LTBP2: variants seen among roughly 807,000 people sequenced by gnomAD.
LTBP2 encodes latent transforming growth factor beta binding protein 2, also known as latent-transforming growth factor beta-binding protein 2.
Under a neutral mutation model 210.6 loss-of-function variants are expected in LTBP2, and 103 were observed. That is an observed-to-expected ratio of 0.49 (90% CI 0.42 to 0.58). The LOEUF (loss-of-function observed/expected upper bound fraction) is 0.58. LTBP2 is among the 20% of genes least tolerant of loss of function. The pLI is 0.00. For synonymous variants in LTBP2, 1,007 were observed against 1,015.0 expected, an observed-to-expected ratio of 0.99 and a Z score of 0.15; for missense variants, 2,313 against 2,494.5, an observed-to-expected ratio of 0.93 and a Z score of 1.55.
Position 74,528,634 on chromosome 14 carries a change from C to A in LTBP2, c.2217G>T (p.Leu739=). The A allele has an allele frequency of 6.2e-7, 1 of 1,613,558 alleles. No homozygotes were observed. The highest frequency in any genetic ancestry group is 8.5e-7 in the Non-Finnish European group (1 of 1,180,050). The change falls in exon 12 of 36, where the codon CTG becomes CTT. Residue 739 remains leucine (L), a synonymous_variant. Coordinates refer to ENST00000261978, the MANE Select transcript of LTBP2 (RefSeq NM_000428.3). ...CCTCCTCCTCGGCTTTCCTCATGGACAGGCGGATGTCGGAGCTCGCGTAGG... is the reference window on the plus strand; with the variant it reads ...CCTCCTCCTCGGCTTTCCTCATGGAAAGGCGGATGTCGGAGCTCGCGTAGG... ...GYTYASSDIR[L]SMRKAEEEEL...
rs1410659796 is a variant in LTBP2, at chr14:74,611,693, G to C, written c.252C>G (p.Pro84=). 1.1e-5 allele frequency: 18 copies of C among 1,581,796 alleles called. No individual in the cohort carries two copies. The highest frequency in any genetic ancestry group is 1.4e-5 in the Non-Finnish European group (16 of 1,170,442). Residue 84 remains proline, a synonymous_variant, in exon 1 of 36, where the codon CCC becomes CCG. Coordinates refer to ENST00000261978, the MANE Select transcript of LTBP2 (RefSeq NM_000428.3). The part of the protein sequence containing the change: ...EQDAPVAGLQ[P]VERAQPGWGS... Reference sequence around the variant, plus strand: ...CCCAGCCCGGCTGGGCCCGCTCCACGGGCTGCAAGCCCGCGACAGGCGCGT... The same window carrying C: ...CCCAGCCCGGCTGGGCCCGCTCCACCGGCTGCAAGCCCGCGACAGGCGCGT...
intron 17 of LTBP2, among the ~76,000 whole-genome samples, chr14:74,520,798 CATAA>C (rs2087192243): frequency 9.7e-6 from 1 of 103,394 alleles, no homozygotes; most frequent in Admixed American, 9.9e-5. Context: ...GAGACTCCAT[CATAA>C]ATGAATGAAT....
At chr14:74,576,639 C>A (rs2088061912) in intron 3 of LTBP2, among the ~76,000 whole-genome samples, 2 of 151,636 alleles carry the variant, frequency 1.3e-5, no homozygotes, top group African/African-American at 4.9e-5. Context: ...CACTGTACAA[C>A]TCTTGGGGTA....
At chr14:74,514,566 T>A (rs1399451482) in intron 18 of LTBP2, among the ~76,000 whole-genome samples, 1 of 151,662 alleles carries the variant, frequency 6.6e-6, no homozygotes, top group East Asian at 1.9e-4. Flanking sequence ...GCGGTGGGGG[T>A]AGGGAAGGCA....
chr14:74,533,963 T>C (rs895524112), intron 9 of LTBP2, among the ~76,000 whole-genome samples: 1 of 151,802 alleles, frequency 6.6e-6, no homozygotes, highest in Non-Finnish European at 1.5e-5. Context: ...GCCCTGTGTC[T>C]GCAGAGCCAG....
intron 8 of LTBP2, among the ~76,000 whole-genome samples, chr14:74,540,942 A>T (rs1248504766): frequency 1.5e-3 from 40 of 27,164 alleles, no homozygotes; most frequent in Admixed American, 4.0e-3. Flanking sequence ...ATATATATAT[A>T]TATTTTTTAT....
In LTBP2 at chr14:74,499,978, G is replaced by A; in HGVS notation, c.*906C>T. 1 of 231,268 alleles carries A rather than the reference G, an allele frequency of 4.3e-6. No individual in the cohort carries two copies. Among genetic ancestry groups the A allele is most frequent in the Middle Eastern group, 1.3e-3 (1 of 772 alleles). The allele number at this position is 231,268 out of a possible 1,614,324, so 14.3% of individuals were successfully genotyped here. A position where few individuals can be genotyped will look rare whatever the true frequency, so the allele number is the denominator to read the frequency against. ...TTTTTACTTTTAGCACATCAAACTG[G>A]TTTTCACAAAAGGAGATCCCAGAAG... On this transcript the variant is annotated 3_prime_UTR_variant, in exon 36 of 36. Transcript: ENST00000261978.
intron 2 of LTBP2, among the ~76,000 whole-genome samples, chr14:74,593,345 C>T (rs968082457): frequency 1.4e-4 from 21 of 152,204 alleles, no homozygotes; most frequent in African/African-American, 5.1e-4. Context: ...AACACGGGGT[C>T]GGGGGCAGGA....
At chr14:74,510,051 G>A in intron 20 of LTBP2, 40 bp downstream of exon 20, 1 of 1,613,770 alleles carries the variant, frequency 6.2e-7, no homozygotes, top group Non-Finnish European at 8.5e-7. Context: ...CCACAAGCTG[G>A]ATCGGCCTGC....
At position 74,500,497 on chromosome 14, in the gene LTBP2, C is replaced by T. The variant is rs1191261590; in HGVS notation, c.*387G>A. ...GTAGCCTCTGTCCCAGTTGTGGGAT[C>T]GTCAGGATGATGGTGGATTGTGGCT... On this transcript the variant is annotated 3_prime_UTR_variant, in exon 36 of 36. Coordinates refer to ENST00000261978, the MANE Select transcript of LTBP2 (RefSeq NM_000428.3). 7 of 428,384 alleles carry T rather than the reference C, an allele frequency of 1.6e-5. No homozygotes were observed. The highest frequency in any genetic ancestry group is 4.6e-5 in the South Asian group (2 of 43,318). The allele number at this position is 428,384 out of a possible 1,614,324, so 26.5% of individuals were successfully genotyped here. A position where few individuals can be genotyped will look rare whatever the true frequency, so the allele number is the denominator to read the frequency against.
At chr14:74,547,029 AG>A (rs2087585550) in intron 8 of LTBP2, among the ~76,000 whole-genome samples, 1 of 152,250 alleles carries the variant, frequency 6.6e-6, no homozygotes, top group Non-Finnish European at 1.5e-5. Context: ...CATTGGCAGC[AG>A]CCAGCCCTGG....
chr14:74,550,984 C>T, intron 7 of LTBP2, 80 bp downstream of exon 7: 1 of 1,536,546 alleles, frequency 6.5e-7, no homozygotes, highest in Non-Finnish European at 9.0e-7. Flanking sequence ...ACAAAGAGGA[C>T]AGAGAGGAGG....
intron 10 of LTBP2, among the ~76,000 whole-genome samples, chr14:74,529,397 T>A (rs1317576669): frequency 6.6e-6 from 1 of 152,234 alleles, no homozygotes; most frequent in African/African-American, 2.4e-5. Context: ...GGAATGAGGA[T>A]GCAGCTGCTT....
intron 1 of LTBP2, among the ~76,000 whole-genome samples, chr14:74,607,477 A>G (rs1458314160): frequency 6.6e-6 from 1 of 152,230 alleles, no homozygotes; most frequent in Non-Finnish European, 1.5e-5. Flanking sequence ...GTAATAGCAA[A>G]AAAATTCAGT....
At chr14:74,591,292 T>C (rs1007481377) in intron 2 of LTBP2, among the ~76,000 whole-genome samples, 41 of 152,332 alleles carry the variant, frequency 2.7e-4, no homozygotes, top group African/African-American at 7.9e-4. Flanking sequence ...GGGTTAGGGC[T>C]GGCAAACTTT....
In LTBP2 at chr14:74,527,329, G is replaced by A. The variant is rs1279580964; in HGVS notation, c.2388+18C>T. On this transcript the variant is annotated intron_variant, in intron 13 of 35. Coordinates refer to ENST00000261978, the MANE Select transcript of LTBP2 (RefSeq NM_000428.3). ...TCTGCCATGCTTGCCCGGCCCCCTA[G>A]TGGGAGGACGCACTCACCTGGCCAG... The A allele has an allele frequency of 1.2e-6, 2 of 1,610,748 alleles. No homozygotes were observed. The highest frequency in any genetic ancestry group is 1.7e-6 in the Non-Finnish European group (2 of 1,178,946).
chr14:74,580,784 A>T (rs979101572), intron 3 of LTBP2, among the ~76,000 whole-genome samples: 12 of 152,140 alleles, frequency 7.9e-5, no homozygotes, highest in African/African-American at 2.9e-4. Flanking sequence ...ACATGGTGAA[A>T]CCACGTCTAT....
intron 3 of LTBP2, among the ~76,000 whole-genome samples, chr14:74,564,354 T>TA (rs1491335702): frequency 1.5e-3 from 19 of 12,314 alleles, no homozygotes; most frequent in Non-Finnish European, 1.9e-3. Context: ...TTTATATATA[T>TA]TTATATATAT....
chr14:74,579,108 C>T (rs975401963), intron 3 of LTBP2, among the ~76,000 whole-genome samples: 1 of 152,228 alleles, frequency 6.6e-6, no homozygotes, highest in African/African-American at 2.4e-5. Context: ...CCACCCACCT[C>T]TGCCTCCCAA....
Sources: allele counts gnomAD v4.1 joint callset (sites outside exome capture counted in the v4.1 genomes callset), GRCh38; gene constraint gnomAD v4.1.1; transcripts MANE v1.5; gene names NCBI Gene and HGNC (gene_info 2026-07-23, HGNC 2026-07-21).